Variants in PPARD observed in about 807,000 individuals in gnomAD.
PPARD encodes the protein peroxisome proliferator-activated receptor delta.
PPARD carries 6 observed loss-of-function variants against 39.5 expected under a neutral mutation model. The observed-to-expected ratio is 0.15, with a 90% CI of 0.08 to 0.30. The LOEUF is 0.30. Among genes scored for constraint, PPARD ranks in the 10% least tolerant of loss-of-function variants. The probability of loss-of-function intolerance (pLI) is 1.00; values close to 1 mark genes in which losing one functional copy is unlikely to be tolerated. For missense variants in PPARD, 397 were observed against 596.8 expected, an observed-to-expected ratio of 0.67 and a Z score of 3.49; for synonymous variants, 210 against 231.3, an observed-to-expected ratio of 0.91 and a Z score of 0.83.
chr6:35,396,197 TTTCTTC>T (rs574172381), intron 2 of PPARD, among the ~76,000 whole-genome samples: 1 of 151,856 alleles, frequency 6.6e-6, no homozygotes, highest in African/African-American at 2.4e-5. Flanking sequence ...AAGTATTTTA[TTTCTTC>T]TTCTTCTTCT....
chr6:35,372,860 G>C (rs1440516998), intron 2 of PPARD, among the ~76,000 whole-genome samples: 1 of 152,104 alleles, frequency 6.6e-6, no homozygotes, highest in Non-Finnish European at 1.5e-5. Flanking sequence ...CTGTAAATTG[G>C]GAATAACAAT....
In PPARD at chr6:35,366,384, T is replaced by G. The variant is rs1008475048; in HGVS notation, c.-102+19234T>G. Among the ~76,000 whole-genome samples the G allele has an allele frequency of 1.3e-5, 2 of 151,498 alleles. No homozygotes were observed. Among genetic ancestry groups the G allele is most frequent in the Non-Finnish European group, 2.9e-5 (2 of 68,024 alleles). ...ATTGATCTGAGAACAGTGTGAGCCATGGAAGGTCTTTGAGCAGGAGAATAA... is the reference window on the plus strand; with the variant it reads ...ATTGATCTGAGAACAGTGTGAGCCAGGGAAGGTCTTTGAGCAGGAGAATAA... On this transcript the variant is annotated intron_variant, in intron 2 of 7. Coordinates refer to ENST00000360694, the MANE Select transcript of PPARD (RefSeq NM_006238.5). The surrounding 1 kb of genome is among the most constrained non-coding windows in gnomAD (Gnocchi z 4.6).
chr6:35,344,155 C>T (rs1792033124), intron 1 of PPARD, among the ~76,000 whole-genome samples: 2 of 152,134 alleles, frequency 1.3e-5, no homozygotes, highest in South Asian at 4.1e-4. Flanking sequence ...GGTCACTGAA[C>T]ATGTTCTCTT....
chr6:35,361,910 C>T (rs1761945041), intron 2 of PPARD, among the ~76,000 whole-genome samples: 1 of 152,194 alleles, frequency 6.6e-6, no homozygotes, highest in Admixed American at 6.5e-5. Context: ...CAGTGGATGA[C>T]ACCTTTAGGA....
intron 2 of PPARD, among the ~76,000 whole-genome samples, chr6:35,383,583 A>C (rs1220392601): frequency 7.3e-6 from 1 of 136,674 alleles, no homozygotes; most frequent in Non-Finnish European, 1.5e-5. Context: ...CTAGGAGGTG[A>C]GGAGCGCCTC....
chr6:35,372,951 C>T (rs1239537764), intron 2 of PPARD, among the ~76,000 whole-genome samples: 1 of 152,198 alleles, frequency 6.6e-6, no homozygotes, highest in African/African-American at 2.4e-5. Flanking sequence ...ACTGATTTCT[C>T]ACAGTTCTGG....
intron 2 of PPARD, among the ~76,000 whole-genome samples, chr6:35,347,765 C>T (rs1486858982): frequency 5.3e-5 from 8 of 152,124 alleles, no homozygotes; most frequent in African/African-American, 1.9e-4. Flanking sequence ...CCTGCCACCA[C>T]GCCCGGCTAA....
chr6:35,406,650 A>G (rs1312922486), intron 2 of PPARD, among the ~76,000 whole-genome samples: 1 of 152,128 alleles, frequency 6.6e-6, no homozygotes. Context: ...CTAGGGAGAG[A>G]TGTCAGCGTG....
intron 2 of PPARD, among the ~76,000 whole-genome samples, chr6:35,390,037 TCAGAGAGTGGG>T (rs1340209174): frequency 1.3e-5 from 2 of 152,174 alleles, no homozygotes; most frequent in African/African-American, 4.8e-5. Flanking sequence ...TATCTGTCCT[TCAGAGAGTGGG>T]GTGCCCCAGC....
At chr6:35,408,306 T>G (rs1215140701) in intron 2 of PPARD, among the ~76,000 whole-genome samples, 1 of 152,194 alleles carries the variant, frequency 6.6e-6, no homozygotes, top group Non-Finnish European at 1.5e-5. Context: ...ACACTGTAGC[T>G]GCAAGAGAGC....
intron 2 of PPARD, among the ~76,000 whole-genome samples, chr6:35,407,748 CCG>C (rs1257136146): frequency 6.7e-6 from 1 of 150,272 alleles, no homozygotes; most frequent in Non-Finnish European, 1.5e-5. Context: ...CCTCTCCATG[CCG>C]AGTCTGAATA....
intron 2 of PPARD, chr6:35,397,571 G>C: frequency 1.0e-6 from 1 of 984,878 alleles, no homozygotes; most frequent in Non-Finnish European, 1.2e-6. Context: ...GTGGAGCAGT[G>C]ATCTCTACAG....
At chr6:35,353,610 C>G (rs189313717) in intron 2 of PPARD, among the ~76,000 whole-genome samples, 3 of 152,144 alleles carry the variant, frequency 2.0e-5, no homozygotes, top group African/African-American at 7.2e-5. Context: ...GTTTCAAATA[C>G]GCTTCAGTTT....
Position 35,363,419 on chromosome 6 carries a change from C to T in PPARD, c.-102+16269C>T, listed in dbSNP as rs951271296. ...CCTCAAAGCCTGCGCCACCGCCTCT[C>T]CCTTCACCACTCCCAAGCTATAATT... On this transcript the variant is annotated intron_variant, in intron 2 of 7. Coordinates refer to ENST00000360694, the MANE Select transcript of PPARD (RefSeq NM_006238.5). This position sits in a 1 kb window ranked among gnomAD's most constrained non-coding sequence, Gnocchi z 4.5. 6.6e-6 allele frequency among the ~76,000 whole-genome samples: 1 copy of T among 152,224 alleles called. No individual in the cohort carries two copies. Among genetic ancestry groups the T allele is most frequent in the Admixed American group, 6.5e-5 (1 of 15,276 alleles).
rs537231223 is a variant in PPARD at position 35,397,179 on chromosome 6, C to T, written c.-101-13808C>T. Reference sequence around the variant, plus strand: ...GCACCTGAGGATTTGTCAGCACCTCCCCACCCCCACCCTGGGTCTGACCTA... The same window carrying T: ...GCACCTGAGGATTTGTCAGCACCTCTCCACCCCCACCCTGGGTCTGACCTA... On this transcript the variant is annotated intron_variant, in intron 2 of 7. Coordinates refer to ENST00000360694, the MANE Select transcript of PPARD (RefSeq NM_006238.5). Among the ~76,000 whole-genome samples, 11 of 149,924 alleles carry T rather than the reference C, an allele frequency of 7.3e-5. No homozygotes were observed. In the South Asian group the frequency reaches 2.0e-3, roughly 27 times the overall value.
chr6:35,405,002 C>CGTGTGT, intron 2 of PPARD, among the ~76,000 whole-genome samples: 1 of 134,982 alleles, frequency 7.4e-6, no homozygotes, highest in South Asian at 2.2e-4. Context: ...TGTGTGTGTA[C>CGTGTGT]ACACATACAT....
chr6:35,352,298 C>T (rs1321654493), intron 2 of PPARD, among the ~76,000 whole-genome samples: 1 of 152,124 alleles, frequency 6.6e-6, no homozygotes, highest in Non-Finnish European at 1.5e-5. Flanking sequence ...ATTCTTCTGC[C>T]TCAGCCTCCC....
intron 2 of PPARD, among the ~76,000 whole-genome samples, chr6:35,395,305 G>C (rs1212927755): frequency 6.6e-6 from 1 of 152,190 alleles, no homozygotes; most frequent in African/African-American, 2.4e-5. Context: ...GAGCTCTAAT[G>C]ACAGGTCAGG....
At chr6:35,421,740 C>T in intron 4 of PPARD, 80 bp from the exon 5 acceptor site, 1 of 1,469,050 alleles carries the variant, frequency 6.8e-7, no homozygotes, top group African/African-American at 1.4e-5. Context: ...GTGTTTACAC[C>T]TTATACATAA....
Sources: gnomAD v4.1 joint callset for allele counts (sites outside exome capture counted in the v4.1 genomes callset) on GRCh38, gnomAD v4.1.1 for gene constraint, Gnocchi (gnomAD v3.1) non-coding constraint, MANE v1.5 for transcripts, NCBI Gene and HGNC (gene_info 2026-07-23, HGNC 2026-07-21) for gene names.